Variants in RASSF6 observed in about 807,000 individuals in gnomAD.
RASSF6 encodes the protein ras association domain-containing protein 6.
RASSF6 carries 52 observed loss-of-function variants against 44.0 expected under a neutral mutation model. That is an observed-to-expected ratio of 1.18 (90% CI 0.95 to 1.49). The LOEUF is 1.49. Among genes scored for constraint, RASSF6 ranks in the 40% most tolerant of loss-of-function variants. RASSF6 has a pLI of 0.00. For synonymous variants in RASSF6, 162 were observed against 124.6 expected (o/e 1.30, Z -2.00); for missense variants, 464 against 393.3 (o/e 1.18, Z -1.52).
In RASSF6 at chr4:73,616,863, A is replaced by G. The variant is rs531251779; in HGVS notation, c.-35+3425T>C. Among the ~76,000 whole-genome samples the G allele has an allele frequency of 5.9e-5, 9 of 152,330 alleles. No homozygotes were observed. The South Asian group carries it at 1.4e-3, about 25-fold the overall frequency. ...TCTCCAAAACGAAACTGTTTTCTCA[A>G]AGTTATGACCTGGAACCTTGGAGTA... is the stretch of plus-strand genomic sequence containing the variant. On this transcript the variant is annotated intron_variant, in intron 1 of 10. Transcript: ENST00000307439.
intron 8 of RASSF6, among the ~76,000 whole-genome samples, chr4:73,581,444 A>G (rs546022598): frequency 6.6e-6 from 1 of 152,286 alleles, no homozygotes; most frequent in East Asian, 1.9e-4. Flanking sequence ...GTCAGAGAGA[A>G]CAGGTATGCA....
At chr4:73,602,048 G>A (rs1223589964) in intron 2 of RASSF6, among the ~76,000 whole-genome samples, 1 of 152,120 alleles carries the variant, frequency 6.6e-6, no homozygotes, top group Non-Finnish European at 1.5e-5. Context: ...GAGTTTACCT[G>A]GCAAAGAAAC....
chr4:73,601,979 G>T (rs1198171039), intron 2 of RASSF6, among the ~76,000 whole-genome samples: 1 of 152,204 alleles, frequency 6.6e-6, no homozygotes, highest in African/African-American at 2.4e-5. Context: ...TTAAGGAATA[G>T]ATGTTGCCTA....
intron 1 of RASSF6, among the ~76,000 whole-genome samples, chr4:73,613,742 A>G (rs989529449): frequency 6.6e-6 from 1 of 152,124 alleles, no homozygotes; most frequent in African/African-American, 2.4e-5. Context: ...TGCTTTTGAG[A>G]CAAACCATGA....
intron 1 of RASSF6, among the ~76,000 whole-genome samples, chr4:73,618,993 G>A (rs1237713915): frequency 6.6e-6 from 1 of 152,084 alleles, no homozygotes; most frequent in Non-Finnish European, 1.5e-5. Flanking sequence ...GGTAGAGACT[G>A]ACAAAATACA....
chr4:73,578,638 CTT>C (rs34373374), intron 8 of RASSF6, among the ~76,000 whole-genome samples: 12 of 143,436 alleles, frequency 8.4e-5, no homozygotes, highest in African/African-American at 7.7e-5. Context: ...CATTTTTTCT[CTT>C]TTTTTTTTTT....
At chr4:73,585,071 T>C (rs1022817294) in intron 6 of RASSF6, 109 bp downstream of exon 6, 2 of 711,558 alleles carry the variant, frequency 2.8e-6, no homozygotes, top group African/African-American at 3.6e-5. Context: ...ATGTTAGACA[T>C]GCTACTGTTA....
At chr4:73,612,218 C>T (rs1312632330) in intron 1 of RASSF6, among the ~76,000 whole-genome samples, 1 of 152,168 alleles carries the variant, frequency 6.6e-6, no homozygotes, top group Non-Finnish European at 1.5e-5. Context: ...AAATCAAGCT[C>T]TGACTTGAAG....
chr4:73,607,723 T>C (rs1725733013), intron 2 of RASSF6, among the ~76,000 whole-genome samples: 1 of 3,948 alleles, frequency 2.5e-4, no homozygotes, highest in Non-Finnish European at 0.021. Context: ...CTAGCAATCT[T>C]TCTTTTAAAG....
chr4:73,605,350 A>C (rs568160182), intron 2 of RASSF6, among the ~76,000 whole-genome samples: 1 of 152,250 alleles, frequency 6.6e-6, no homozygotes, highest in Non-Finnish European at 1.5e-5. Context: ...ATTTGCCAAG[A>C]TAAATCATCA....
intron 2 of RASSF6, among the ~76,000 whole-genome samples, chr4:73,598,991 C>G (rs1339734600): frequency 2.0e-5 from 3 of 152,190 alleles, no homozygotes; most frequent in Non-Finnish European, 4.4e-5. Context: ...AGGAGGCAGC[C>G]ACGAAACAGG....
chr4:73,605,287 T>A (rs887939410), intron 2 of RASSF6, among the ~76,000 whole-genome samples: 3 of 152,182 alleles, frequency 2.0e-5, no homozygotes, highest in Non-Finnish European at 1.5e-5. Context: ...AAAGATGGAA[T>A]CAGGAAATAT....
At chr4:73,604,457 G>A (rs1725490816) in intron 2 of RASSF6, 1 of 152,450 alleles carries the variant, frequency 6.6e-6, no homozygotes, top group Non-Finnish European at 1.5e-5. Context: ...CTGAGCGACA[G>A]TGAGACTCTG....
chr4:73,588,625 C>G (rs528224710), intron 4 of RASSF6, among the ~76,000 whole-genome samples: 26 of 151,940 alleles, frequency 1.7e-4, no homozygotes, highest in Non-Finnish European at 2.8e-4. Context: ...GTGCCTGTGT[C>G]CTCATCTGTA....
intron 6 of RASSF6, 90 bp downstream of exon 6, chr4:73,585,090 A>T (rs761536739): frequency 8.1e-6 from 7 of 869,516 alleles, no homozygotes; most frequent in African/African-American, 1.7e-5. Context: ...TATTATTATG[A>T]CTTTAAATTG....
At chr4:73,606,074 A>G (rs1436438862) in intron 2 of RASSF6, among the ~76,000 whole-genome samples, 2 of 152,258 alleles carry the variant, frequency 1.3e-5, no homozygotes, top group East Asian at 1.9e-4. Flanking sequence ...ATATAGACCC[A>G]AAGGAAAATA....
chr4:73,580,942 C>T (rs1190581513), intron 8 of RASSF6, among the ~76,000 whole-genome samples: 1 of 150,306 alleles, frequency 6.7e-6, no homozygotes, highest in Non-Finnish European at 1.5e-5. Context: ...ACATGAAGTC[C>T]TTGCCCATGC....
chr4:73,594,346 T>C (rs2149381616), intron 3 of RASSF6, among the ~76,000 whole-genome samples: 1 of 152,348 alleles, frequency 6.6e-6, no homozygotes, highest in Admixed American at 6.5e-5. Flanking sequence ...TAACATTCAT[T>C]AACTATTATT....
intron 2 of RASSF6, 78 bp downstream of exon 2, chr4:73,611,653 A>T: frequency 1.2e-6 from 1 of 831,360 alleles, no homozygotes; most frequent in Non-Finnish European, 2.0e-6. Context: ...ACCATACATC[A>T]TGCTTAGAAA....
Sources: allele counts gnomAD v4.1 joint callset (sites outside exome capture counted in the v4.1 genomes callset), GRCh38; gene constraint gnomAD v4.1.1; transcripts MANE v1.5; gene names NCBI Gene and HGNC (gene_info 2026-07-23, HGNC 2026-07-21).